The following MSH3 variants were observed in gnomAD, a reference collection of about 807,000 sequenced individuals.
MSH3 encodes mutS homolog 3.
Under a neutral mutation model 123.3 loss-of-function variants are expected in MSH3, and 106 were observed. The observed-to-expected ratio is 0.86, with a 90% CI of 0.73 to 1.01. MSH3 has a LOEUF of 1.01. Among genes scored for constraint, MSH3 ranks in the 50% least tolerant of loss-of-function variants. The pLI, the probability that MSH3 is intolerant of heterozygous loss-of-function variation, is 0.00. For missense variants in MSH3, 1,459 were observed against 1,347.6 expected (o/e 1.08, Z -1.29); for synonymous variants, 515 against 481.4 (o/e 1.07, Z -0.91).
chr5:80,781,667 T>G (rs1744412415), intron 17 of MSH3, among the ~76,000 whole-genome samples: 2 of 152,078 alleles, frequency 1.3e-5, no homozygotes, highest in Non-Finnish European at 2.9e-5. Context: ...AGGGTTTCTC[T>G]ATGTTCCCCA....
intron 7 of MSH3, among the ~76,000 whole-genome samples, chr5:80,675,407 A>G (rs1290788563): frequency 6.6e-6 from 1 of 152,172 alleles, no homozygotes. Context: ...TCATGGTTCC[A>G]CAGGCTGTAC....
intron 20 of MSH3, among the ~76,000 whole-genome samples, chr5:80,820,336 A>T (rs555746263): frequency 6.6e-6 from 1 of 152,356 alleles, no homozygotes; most frequent in East Asian, 1.9e-4. Context: ...GTTTGACAGC[A>T]ATCTTTTAGT....
At chr5:80,697,107 A>G (rs1387806287) in intron 8 of MSH3, among the ~76,000 whole-genome samples, 1 of 152,166 alleles carries the variant, frequency 6.6e-6, no homozygotes, top group Admixed American at 6.5e-5. Flanking sequence ...TGTCATGATG[A>G]TTAGTTCATA....
At chr5:80,763,098 C>T (rs191341759) in intron 13 of MSH3, among the ~76,000 whole-genome samples, 151 of 152,278 alleles carry the variant, frequency 9.9e-4, no homozygotes, top group African/African-American at 3.6e-3. Flanking sequence ...CCACCCGCCT[C>T]GGCCTCCCAA....
chr5:80,738,445 T>C (rs533971724), intron 10 of MSH3, among the ~76,000 whole-genome samples: 39 of 152,270 alleles, frequency 2.6e-4, no homozygotes, highest in African/African-American at 8.4e-4. Flanking sequence ...TCACTTTTAG[T>C]TGGAGTCAGG....
At chr5:80,669,131 G>T (rs931302401) in intron 3 of MSH3, among the ~76,000 whole-genome samples, 3 of 152,170 alleles carry the variant, frequency 2.0e-5, no homozygotes, top group Admixed American at 2.0e-4. Context: ...AGTTTTTTTT[G>T]AAAAGTTAGT....
chr5:80,844,959 A>G (rs951836547), intron 20 of MSH3, among the ~76,000 whole-genome samples: 6 of 152,088 alleles, frequency 3.9e-5, no homozygotes, highest in Admixed American at 2.6e-4. Context: ...TTAGCTGGTT[A>G]TTTTGCCTGT....
chr5:80,781,756 T>C (rs1307919891), intron 17 of MSH3, among the ~76,000 whole-genome samples: 2 of 152,196 alleles, frequency 1.3e-5, no homozygotes, highest in African/African-American at 4.8e-5. Flanking sequence ...GAGGTGTTTC[T>C]TTGATTTGTC....
intron 18 of MSH3, among the ~76,000 whole-genome samples, chr5:80,789,515 C>T (rs1208463280): frequency 3.9e-5 from 6 of 152,052 alleles, no homozygotes; most frequent in African/African-American, 9.7e-5. Context: ...AGATTACAGG[C>T]GTGTGCCACC....
rs768106316 is a variant in MSH3, at chr5:80,786,980, GAAGAT to G, written c.2436-581_2436-577del. On this transcript the variant is annotated intron_variant, in intron 17 of 23. Transcript: ENST00000265081. ...TATATGCATTATTAATAAGATAACT[GAAGAT>G]AAGTGAAAAAAGTACCTTTTCCCCT... is the stretch of plus-strand genomic sequence containing the variant. Among the ~76,000 whole-genome samples the G allele has an allele frequency of 1.9e-3, 294 of 152,144 alleles. 1 individual carries two copies. The highest frequency in any genetic ancestry group is 3.1e-3 in the Non-Finnish European group (213 of 68,002).
At chr5:80,793,905 T>C (rs945032103) in intron 19 of MSH3, among the ~76,000 whole-genome samples, 3 of 152,164 alleles carry the variant, frequency 2.0e-5, no homozygotes, top group African/African-American at 4.8e-5. Context: ...ATTGATCTTA[T>C]TCAGTAATAC....
At chr5:80,860,585 A>C in intron 21 of MSH3, among the ~76,000 whole-genome samples, 1 of 142,250 alleles carries the variant, frequency 7.0e-6, no homozygotes, top group Non-Finnish European at 1.5e-5. Flanking sequence ...TTACTTCAGT[A>C]TTTTTTTTTT....
At chr5:80,656,683 T>C in intron 2 of MSH3, 152 bp downstream of exon 2, 3 of 961,418 alleles carry the variant, frequency 3.1e-6, no homozygotes, top group Non-Finnish European at 3.2e-6. Context: ...CTATAGGTGA[T>C]GGTGATGTGT....
intron 12 of MSH3, among the ~76,000 whole-genome samples, chr5:80,755,773 G>A (rs1743916619): frequency 6.6e-6 from 1 of 152,140 alleles, no homozygotes; most frequent in Non-Finnish European, 1.5e-5. Context: ...GGAGACAGGA[G>A]ACAGGGTCTT....
Position 80,670,228 on chromosome 5 carries a change from A to G in MSH3, c.711A>G (p.Ile237Met), listed in dbSNP as rs375321647. The change falls in exon 4 of 24, where the codon ATA becomes ATG. Residue 237 changes from isoleucine (I) to methionine (M), a missense_variant. Ile to Met is a conservative substitution (Grantham distance 10). Transcript: ENST00000265081. The stretch of plus-strand genomic sequence containing the variant: ...ATACGCCGCTAGAATTACAATACAT[A>G]GAAATGAAGCAGCAGCACAAAGATG... ...SIYTPLELQY[I>M]EMKQQHKDAV... 28 of 1,614,082 alleles carry G rather than the reference A, an allele frequency of 1.7e-5. No homozygotes were observed. Among genetic ancestry groups the G allele is most frequent in the Middle Eastern group, 1.6e-4 (1 of 6,082 alleles).
chr5:80,869,606 T>C (rs1746168453), intron 22 of MSH3, among the ~76,000 whole-genome samples: 1 of 151,862 alleles, frequency 6.6e-6, no homozygotes, highest in South Asian at 2.1e-4. Flanking sequence ...TACCATAATT[T>C]AAAGTGGAGA....
rs570541076 is a variant in MSH3, at chr5:80,876,376, G to T, written c.*514G>T. The T allele has an allele frequency of 8.3e-5, 15 of 179,990 alleles. No homozygotes were observed. The East Asian group carries it at 1.4e-3, about 16-fold the overall frequency. 11.1% of individuals were successfully genotyped at this position (179,990 alleles called of 1,614,324 possible). ...CCAGCACTTTGGGAGGCCAAGGTAG[G>T]CAGATCACCTGAGGTCAGGAGTTCA... On this transcript the variant is annotated 3_prime_UTR_variant, in exon 24 of 24. Coordinates refer to ENST00000265081, the MANE Select transcript of MSH3 (RefSeq NM_002439.5).
chr5:80,721,490 G>T (rs889435579), intron 8 of MSH3, among the ~76,000 whole-genome samples: 3 of 151,900 alleles, frequency 2.0e-5, no homozygotes, highest in Non-Finnish European at 2.9e-5. Flanking sequence ...GTGCTTTCCA[G>T]TGAGTACCTC....
intron 2 of MSH3, among the ~76,000 whole-genome samples, chr5:80,663,770 A>C (rs1749500061): frequency 7.0e-6 from 1 of 143,140 alleles, no homozygotes; most frequent in African/African-American, 2.6e-5. Flanking sequence ...AAATAGGGAA[A>C]ATTTTAAACT....
Sources: allele counts gnomAD v4.1 joint callset (sites outside exome capture counted in the v4.1 genomes callset), GRCh38; gene constraint gnomAD v4.1.1; transcripts MANE v1.5; gene names NCBI Gene and HGNC (gene_info 2026-07-23, HGNC 2026-07-21).